Variants in PPP1R1C observed in about 807,000 individuals in gnomAD.
PPP1R1C encodes the protein protein phosphatase 1 regulatory inhibitor subunit 1C.
PPP1R1C carries 15 observed loss-of-function variants against 17.4 expected under a neutral mutation model. The observed-to-expected ratio is 0.86, with a 90% CI of 0.58 to 1.33. PPP1R1C has a LOEUF of 1.33. Ranked by LOEUF, PPP1R1C falls within the 40% of genes most tolerant of loss-of-function variation. The probability of loss-of-function intolerance (pLI) is 0.00; values close to 1 mark genes in which losing one functional copy is unlikely to be tolerated. For synonymous variants in PPP1R1C, 35 were observed against 43.1 expected (o/e 0.81, Z 0.73); for missense variants, 143 against 130.0 (o/e 1.10, Z -0.48).
At chr2:182,046,571 A>G (rs1407043265) in intron 2 of PPP1R1C, among the ~76,000 whole-genome samples, 1 of 151,570 alleles carries the variant, frequency 6.6e-6, no homozygotes. Context: ...ACTCAAAAAA[A>G]AAAAAAAAAA....
At chr2:182,074,360 G>C (rs1290412153) in intron 4 of PPP1R1C, among the ~76,000 whole-genome samples, 1 of 152,026 alleles carries the variant, frequency 6.6e-6, no homozygotes, top group Non-Finnish European at 1.5e-5. Context: ...TCTATGATAA[G>C]TTGTATTTGC....
At chr2:182,010,378 G>A (rs1012382275) in intron 2 of PPP1R1C, among the ~76,000 whole-genome samples, 1 of 151,578 alleles carries the variant, frequency 6.6e-6, no homozygotes, top group Non-Finnish European at 1.5e-5. Flanking sequence ...TATTTTATTT[G>A]TAGCTATTTT....
At chr2:182,102,010 A>G (rs892812113) in intron 4 of PPP1R1C, among the ~76,000 whole-genome samples, 2 of 152,208 alleles carry the variant, frequency 1.3e-5, no homozygotes, top group African/African-American at 4.8e-5. Context: ...AAATGAAGGA[A>G]TGACAAAATA....
chr2:182,034,054 G>A (rs1686926919), intron 2 of PPP1R1C, among the ~76,000 whole-genome samples: 1 of 152,294 alleles, frequency 6.6e-6, no homozygotes, highest in Non-Finnish European at 1.5e-5. Context: ...TTTCTAGAAT[G>A]TGTAGTGTTT....
chr2:182,034,314 G>A (rs1686934665), intron 2 of PPP1R1C, among the ~76,000 whole-genome samples: 1 of 152,048 alleles, frequency 6.6e-6, no homozygotes, highest in African/African-American at 2.4e-5. Flanking sequence ...TATATAACAA[G>A]ACAGATGTAG....
intron 1 of PPP1R1C, among the ~76,000 whole-genome samples, chr2:181,969,077 G>A (rs1257787801): frequency 6.6e-6 from 1 of 152,012 alleles, no homozygotes; most frequent in African/African-American, 2.4e-5. Flanking sequence ...CAACTTTGTT[G>A]TAGTTATTAT....
intron 4 of PPP1R1C, among the ~76,000 whole-genome samples, chr2:182,100,367 G>C: frequency 6.6e-6 from 1 of 151,892 alleles, no homozygotes; most frequent in Non-Finnish European, 1.5e-5. Flanking sequence ...TAAATTAGCT[G>C]GGCATGGTGG....
chr2:182,072,618 T>C (rs1383387102), intron 4 of PPP1R1C, among the ~76,000 whole-genome samples: 1 of 152,174 alleles, frequency 6.6e-6, no homozygotes, highest in Non-Finnish European at 1.5e-5. Flanking sequence ...TTTGTTAGAA[T>C]AGCAACGGGC....
Position 182,093,484 on chromosome 2 carries a change from C to G in PPP1R1C, c.242-23723C>G, listed in dbSNP as rs1574446301. Among the ~76,000 whole-genome samples, 4 of 152,346 alleles carry G rather than the reference C, an allele frequency of 2.6e-5. No individual in the cohort carries two copies. In the East Asian group the frequency reaches 7.7e-4, roughly 29 times the overall value. On this transcript the variant is annotated intron_variant, in intron 4 of 4. Transcript: ENST00000682840. ...CTCCTCGTTACTTATGCAAATTTCT[C>G]CAGCCAGTTTGAATTTCTGTTCAGA...
At chr2:182,003,813 T>A (rs1153733) in intron 2 of PPP1R1C, among the ~76,000 whole-genome samples, 219 of 152,116 alleles carry the variant, frequency 1.4e-3, no homozygotes, top group African/African-American at 5.0e-3. Context: ...ACTAAAACCA[T>A]CCCCTTTTCA....
intron 2 of PPP1R1C, among the ~76,000 whole-genome samples, chr2:181,977,286 C>T (rs75832430): frequency 0.022 from 3,355 of 150,330 alleles, 119 homozygotes; most frequent in African/African-American, 0.076. Flanking sequence ...GTAGTTTTGA[C>T]ATGCTGATCA....
upstream of PPP1R1C, among the ~76,000 whole-genome samples, chr2:181,981,530 G>C (rs986134653): frequency 6.6e-6 from 1 of 152,206 alleles, no homozygotes; most frequent in African/African-American, 2.4e-5. Context: ...CACTTGGAAA[G>C]AGTGGTTCAT....
intron 2 of PPP1R1C, among the ~76,000 whole-genome samples, chr2:182,006,698 C>G (rs1377211945): frequency 1.3e-5 from 2 of 152,122 alleles, no homozygotes; most frequent in Non-Finnish European, 2.9e-5. Flanking sequence ...AAGCCATGTG[C>G]CATTAGGAGT....
intron 2 of PPP1R1C, among the ~76,000 whole-genome samples, chr2:182,005,299 G>A (rs1245110587): frequency 1.3e-5 from 2 of 152,186 alleles, no homozygotes; most frequent in Non-Finnish European, 2.9e-5. Context: ...CTGATCTGCT[G>A]AGCAGTCACT....
chr2:181,989,203 G>T (rs1387786481), intron 2 of PPP1R1C, among the ~76,000 whole-genome samples: 1 of 152,140 alleles, frequency 6.6e-6, no homozygotes, highest in Non-Finnish European at 1.5e-5. Flanking sequence ...ATTTCCAGGT[G>T]TTCTATCTCC....
chr2:182,123,755 C>T (rs980568769), intron 5 of PPP1R1C, among the ~76,000 whole-genome samples: 26 of 152,124 alleles, frequency 1.7e-4, no homozygotes, highest in African/African-American at 5.5e-4. Context: ...GGATATTAGC[C>T]CTTTATCAAA....
upstream of PPP1R1C, among the ~76,000 whole-genome samples, chr2:181,984,925 A>G (rs1685261506): frequency 6.6e-6 from 1 of 152,174 alleles, no homozygotes; most frequent in Non-Finnish European, 1.5e-5. Flanking sequence ...CCTCCCCTTT[A>G]ACATTAACTA....
intron 2 of PPP1R1C, among the ~76,000 whole-genome samples, chr2:182,032,549 C>T (rs1686877397): frequency 6.6e-6 from 1 of 152,074 alleles, no homozygotes; most frequent in African/African-American, 2.4e-5. Context: ...ATAGTGGGCC[C>T]CACCACATAC....
chr2:182,032,042 C>T (rs933275856), intron 2 of PPP1R1C, among the ~76,000 whole-genome samples: 7 of 152,088 alleles, frequency 4.6e-5, no homozygotes, highest in Admixed American at 1.3e-4. Context: ...TTTATTTTTG[C>T]ATTGGTAGAA....
Sources: allele counts gnomAD v4.1 joint callset (sites outside exome capture counted in the v4.1 genomes callset), GRCh38; gene constraint gnomAD v4.1.1; transcripts MANE v1.5; gene names NCBI Gene and HGNC (gene_info 2026-07-23, HGNC 2026-07-21).